Variants in TMEM178B observed in about 807,000 individuals in gnomAD.
TMEM178B encodes transmembrane protein 178B.
In TMEM178B, 5 loss-of-function variants were observed where a neutral mutation model predicts 31.0. That is an observed-to-expected ratio of 0.16 (90% CI 0.08 to 0.34). TMEM178B has a LOEUF of 0.34. TMEM178B is among the 10% of genes least tolerant of loss of function. The pLI is 1.00. For missense variants in TMEM178B, 275 were observed against 400.3 expected (o/e 0.69, Z 2.67); for synonymous variants, 164 against 164.0 (o/e 1.00, Z 0.00).
At chr7:141,084,239 T>A (rs11767331) in intron 1 of TMEM178B, among the ~76,000 whole-genome samples, 81,773 of 152,132 alleles carry the variant, frequency 0.54, 24,308 homozygotes, top group Non-Finnish European at 0.67. Flanking sequence ...CTTAGATTTT[T>A]TTTGCTTTTT....
chr7:141,396,533 G>C (rs926797595), intron 2 of TMEM178B, among the ~76,000 whole-genome samples: 1 of 150,032 alleles, frequency 6.7e-6, no homozygotes, highest in Admixed American at 6.7e-5. Flanking sequence ...GGAAAACAGA[G>C]CCTCAGAAAG....
intron 2 of TMEM178B, among the ~76,000 whole-genome samples, chr7:141,421,164 C>T (rs1382848100): frequency 6.6e-6 from 1 of 152,122 alleles, no homozygotes; most frequent in Non-Finnish European, 1.5e-5. Context: ...AACATCCTTG[C>T]TTATATGTGG....
At chr7:141,247,846 A>T (rs1345016336) in intron 2 of TMEM178B, among the ~76,000 whole-genome samples, 1 of 152,160 alleles carries the variant, frequency 6.6e-6, no homozygotes, top group South Asian at 2.1e-4. Context: ...TTTGTTGTTT[A>T]TCTGAAATTC....
At chr7:141,288,622 C>T (rs1213729094) in intron 2 of TMEM178B, among the ~76,000 whole-genome samples, 1 of 152,176 alleles carries the variant, frequency 6.6e-6, no homozygotes, top group East Asian at 1.9e-4. Context: ...TCCCGCTGCC[C>T]TATCATTTGC....
chr7:141,303,357 G>A (rs906982252), intron 2 of TMEM178B, among the ~76,000 whole-genome samples: 1 of 152,164 alleles, frequency 6.6e-6, no homozygotes, highest in African/African-American at 2.4e-5. Flanking sequence ...TAGTTGTCTT[G>A]GGTAAGGATC....
At chr7:141,131,359 A>C (rs1795591873) in intron 1 of TMEM178B, among the ~76,000 whole-genome samples, 1 of 152,154 alleles carries the variant, frequency 6.6e-6, no homozygotes, top group South Asian at 2.1e-4. Context: ...CATACAATAA[A>C]ATGTCCAGAT....
At chr7:141,321,859 G>A (rs941528091) in intron 2 of TMEM178B, among the ~76,000 whole-genome samples, 7 of 151,014 alleles carry the variant, frequency 4.6e-5, no homozygotes, top group South Asian at 2.1e-4. Context: ...TGAGTCTCAC[G>A]TGCAACCATG....
chr7:141,456,351 T>C (rs775295183), intron 3 of TMEM178B, among the ~76,000 whole-genome samples: 30 of 152,182 alleles, frequency 2.0e-4, no homozygotes, highest in African/African-American at 5.8e-4. Context: ...TGCCCACTTA[T>C]GGGCAAGGAT....
chr7:141,175,569 C>T (rs193186581), intron 1 of TMEM178B, among the ~76,000 whole-genome samples: 21 of 152,250 alleles, frequency 1.4e-4, no homozygotes, highest in Admixed American at 2.0e-4. Flanking sequence ...GTCATTTTGA[C>T]GATACTGGTT....
the TMEM178B span, among the ~76,000 whole-genome samples, chr7:141,510,685 C>CAAAAAAAAAAAAA: frequency 0.021 from 523 of 24,916 alleles, 76 homozygotes; most frequent in Middle Eastern, 0.038. Context: ...AACTCCGTCT[C>CAAAAAAAAAAAAA]AAAAAAAAAA....
intron 1 of TMEM178B, among the ~76,000 whole-genome samples, chr7:141,105,726 A>G (rs1440536013): frequency 6.6e-6 from 1 of 152,234 alleles, no homozygotes; most frequent in Non-Finnish European, 1.5e-5. Flanking sequence ...TCATTAGAAG[A>G]CGATGAAAGC....
At chr7:141,119,876 T>C (rs545055146) in intron 1 of TMEM178B, among the ~76,000 whole-genome samples, 1 of 152,294 alleles carries the variant, frequency 6.6e-6, no homozygotes, top group African/African-American at 2.4e-5. Context: ...TTTGGAGGCC[T>C]GGAGCAGGGC....
intron 1 of TMEM178B, among the ~76,000 whole-genome samples, chr7:141,206,125 T>C (rs1190853080): frequency 6.6e-6 from 1 of 152,230 alleles, no homozygotes; most frequent in Non-Finnish European, 1.5e-5. Flanking sequence ...CTAATATTTA[T>C]TGAGCACTTA....
chr7:141,218,035 G>A (rs1460390356), intron 2 of TMEM178B, among the ~76,000 whole-genome samples: 2 of 151,966 alleles, frequency 1.3e-5, no homozygotes, highest in South Asian at 2.1e-4. Flanking sequence ...GGGAGGGAAA[G>A]AGTGAGAGAC....
intron 2 of TMEM178B, among the ~76,000 whole-genome samples, chr7:141,304,402 T>G (rs1481883755): frequency 6.6e-6 from 1 of 152,124 alleles, no homozygotes; most frequent in African/African-American, 2.4e-5. Flanking sequence ...CCATTGCCTC[T>G]GTGCACTGCC....
At chr7:141,336,909 TCACCAC>T (rs777224721) in intron 2 of TMEM178B, among the ~76,000 whole-genome samples, 10 of 46,732 alleles carry the variant, frequency 2.1e-4, no homozygotes, top group East Asian at 1.6e-3. Context: ...ACCACCATCA[TCACCAC>T]CACCACCACC....
intron 2 of TMEM178B, among the ~76,000 whole-genome samples, chr7:141,299,624 A>G (rs1417446486): frequency 1.3e-5 from 2 of 152,160 alleles, no homozygotes; most frequent in Admixed American, 1.3e-4. Flanking sequence ...GGAAAACCCC[A>G]TGAGATCTTT....
intron 1 of TMEM178B, among the ~76,000 whole-genome samples, chr7:141,116,669 C>T (rs1428658261): frequency 6.6e-6 from 1 of 152,012 alleles, no homozygotes; most frequent in Non-Finnish European, 1.5e-5. Context: ...CTCCCCTAGA[C>T]CCCCATCCCC....
At chr7:141,127,346 C>T (rs1303267472) in intron 1 of TMEM178B, among the ~76,000 whole-genome samples, 1 of 152,180 alleles carries the variant, frequency 6.6e-6, no homozygotes, top group East Asian at 1.9e-4. Context: ...ACCCCTAGAA[C>T]CTGTGAAGGT....
Sources: allele counts gnomAD v4.1 joint callset (sites outside exome capture counted in the v4.1 genomes callset), GRCh38; gene constraint gnomAD v4.1.1; transcripts MANE v1.5; gene names NCBI Gene and HGNC (gene_info 2026-07-23, HGNC 2026-07-21).